Variants in CSMD1 observed in about 807,000 individuals in gnomAD.
The protein encoded by CSMD1 is CUB and Sushi multiple domains 1.
CSMD1 carries 213 observed loss-of-function variants against 417.5 expected under a neutral mutation model. The observed-to-expected ratio is 0.51, with a 90% confidence interval of 0.46 to 0.57. The LOEUF is 0.57. CSMD1 is among the 20% of genes least tolerant of loss of function. The pLI, the probability that CSMD1 is intolerant of heterozygous loss-of-function variation, is 0.00. For synonymous variants in CSMD1, 2,862 were observed against 1,736.8 expected (o/e 1.65, Z -16.11); for missense variants, 6,923 against 4,529.7 (o/e 1.53, Z -15.17).
chr8:3,250,543 G>T (rs1044510075), intron 26 of CSMD1, among the ~76,000 whole-genome samples: 1 of 152,216 alleles, frequency 6.6e-6, no homozygotes, highest in Admixed American at 6.5e-5. Context: ...CTTTATAGCA[G>T]CATGATTTAT....
At chr8:3,539,381 T>C (rs1034547578) in intron 10 of CSMD1, among the ~76,000 whole-genome samples, 1 of 152,146 alleles carries the variant, frequency 6.6e-6, no homozygotes, top group African/African-American at 2.4e-5. Context: ...ATAAGAAGTA[T>C]ATACATATTA....
At chr8:3,724,056 T>G (rs1802344032) in intron 6 of CSMD1, among the ~76,000 whole-genome samples, 1 of 63,150 alleles carries the variant, frequency 1.6e-5, no homozygotes, top group Admixed American at 1.6e-4. Flanking sequence ...TAAACACAGA[T>G]TTTGTTCATT....
intron 12 of CSMD1, among the ~76,000 whole-genome samples, chr8:3,450,914 A>C (rs1212377625): frequency 2.6e-5 from 4 of 152,002 alleles, no homozygotes; most frequent in South Asian, 2.1e-4. Flanking sequence ...TGGTTGAACT[A>C]GTTTACAGTC....
intron 1 of CSMD1, among the ~76,000 whole-genome samples, chr8:4,787,000 G>T (rs1377472161): frequency 1.3e-5 from 2 of 152,182 alleles, no homozygotes; most frequent in East Asian, 1.9e-4. Context: ...GAGAGACCCC[G>T]TGTGTGTGGC....
At chr8:4,344,585 A>T (rs1479720939) in intron 3 of CSMD1, among the ~76,000 whole-genome samples, 1 of 151,398 alleles carries the variant, frequency 6.6e-6, no homozygotes, top group Non-Finnish European at 1.5e-5. Context: ...TATATATATG[A>T]CAATGACTCG....
Position 3,190,210 on chromosome 8 carries a change from T to C in CSMD1, c.5195-95A>G, listed in dbSNP as rs541738836. ...GGTTTAAGATGGGACCAAGGAGAGCTGATGCAGACAGAGAATTTAATAACG... is the reference window on the plus strand; with the variant it reads ...GGTTTAAGATGGGACCAAGGAGAGCCGATGCAGACAGAGAATTTAATAACG... On this transcript the variant is annotated intron_variant, in intron 33 of 69. Coordinates refer to ENST00000635120, the MANE Select transcript of CSMD1 (RefSeq NM_033225.6). 76 of 889,706 alleles carry C rather than the reference T, an allele frequency of 8.5e-5. No homozygotes were observed. The South Asian group carries it at 1.2e-3, about 14-fold the overall frequency. 55.1% of individuals were successfully genotyped at this position (889,706 alleles called of 1,614,324 possible). A position where few individuals can be genotyped will look rare whatever the true frequency, so the allele number is the denominator to read the frequency against.
intron 26 of CSMD1, among the ~76,000 whole-genome samples, chr8:3,258,685 G>A (rs1012251032): frequency 6.6e-6 from 1 of 152,156 alleles, no homozygotes; most frequent in Admixed American, 6.5e-5. Flanking sequence ...AGCCATGGAA[G>A]CAACCTAAAT....
intron 3 of CSMD1, among the ~76,000 whole-genome samples, chr8:4,152,718 T>A (rs760344696): frequency 1.3e-5 from 2 of 151,800 alleles, no homozygotes; most frequent in African/African-American, 4.8e-5. Context: ...CCTTTACATA[T>A]ACACACACAC....
intron 26 of CSMD1, among the ~76,000 whole-genome samples, chr8:3,250,520 C>G (rs371719635): frequency 2.0e-5 from 3 of 152,162 alleles, no homozygotes; most frequent in Admixed American, 6.5e-5. Flanking sequence ...AATAAACATA[C>G]GTATGAATGG....
intron 3 of CSMD1, among the ~76,000 whole-genome samples, chr8:4,092,167 C>T (rs551074479): frequency 1.3e-5 from 2 of 152,146 alleles, no homozygotes; most frequent in Admixed American, 6.6e-5. Context: ...CTAAAGAGGA[C>T]AATTTCAAAA....
At chr8:3,928,801 C>G (rs1809934016) in intron 5 of CSMD1, among the ~76,000 whole-genome samples, 2 of 107,192 alleles carry the variant, frequency 1.9e-5, no homozygotes, top group Admixed American at 1.5e-4. Flanking sequence ...CGGGCCAGTT[C>G]TATGCATTCC....
At chr8:3,119,708 G>C (rs1200596207) in intron 41 of CSMD1, among the ~76,000 whole-genome samples, 1 of 152,164 alleles carries the variant, frequency 6.6e-6, no homozygotes, top group African/African-American at 2.4e-5. Context: ...TAGCATCTTT[G>C]AATATTTAGG....
chr8:3,521,040 T>C (rs537104794), intron 10 of CSMD1, among the ~76,000 whole-genome samples: 5 of 152,156 alleles, frequency 3.3e-5, no homozygotes, highest in Non-Finnish European at 5.9e-5. Flanking sequence ...CTGTCACCCC[T>C]AGAACTTTAT....
intron 5 of CSMD1, among the ~76,000 whole-genome samples, chr8:3,965,833 G>T (rs770655626): frequency 6.6e-6 from 1 of 152,040 alleles, no homozygotes; most frequent in African/African-American, 2.4e-5. Context: ...TGGCCAGGCC[G>T]GTCTTGAACT....
chr8:3,457,982 G>C (rs1372376720), intron 12 of CSMD1, among the ~76,000 whole-genome samples: 1 of 152,182 alleles, frequency 6.6e-6, no homozygotes, highest in Non-Finnish European at 1.5e-5. Flanking sequence ...AGTACACCTT[G>C]TTAATTTCAC....
intron 3 of CSMD1, among the ~76,000 whole-genome samples, chr8:4,392,360 C>A (rs908959943): frequency 6.6e-6 from 1 of 151,982 alleles, no homozygotes; most frequent in Non-Finnish European, 1.5e-5. Context: ...TGAGGAGGAG[C>A]AGTAAAGAGA....
At chr8:3,490,514 T>A (rs1818311313) in intron 11 of CSMD1, among the ~76,000 whole-genome samples, 1 of 152,230 alleles carries the variant, frequency 6.6e-6, no homozygotes, top group African/African-American at 2.4e-5. Flanking sequence ...TTAGGTGTTT[T>A]GGTAATAATA....
chr8:4,538,604 C>G (rs915565020), intron 2 of CSMD1, among the ~76,000 whole-genome samples: 2 of 151,936 alleles, frequency 1.3e-5, no homozygotes, highest in African/African-American at 4.8e-5. Context: ...GATCGCACCA[C>G]TGTACTCCAG....
At chr8:4,789,523 T>C (rs576420156) in intron 1 of CSMD1, among the ~76,000 whole-genome samples, 53 of 152,300 alleles carry the variant, frequency 3.5e-4, no homozygotes, top group African/African-American at 1.2e-3. Context: ...TATATAATTT[T>C]ACTGTGCATC....
Sources: allele counts gnomAD v4.1 joint callset (sites outside exome capture counted in the v4.1 genomes callset), GRCh38; gene constraint gnomAD v4.1.1; transcripts MANE v1.5; gene names NCBI Gene and HGNC (gene_info 2026-07-23, HGNC 2026-07-21).